SUPT3H: variants seen among roughly 807,000 people sequenced by gnomAD.
The protein encoded by SUPT3H is transcription initiation protein SPT3 homolog.
In SUPT3H, 44 loss-of-function variants were observed where a neutral mutation model predicts 44.3. The ratio of observed to expected loss-of-function variants is 0.99; its 90% CI spans 0.78 to 1.28. The LOEUF is 1.28. Among genes scored for constraint, SUPT3H ranks in the 50% most tolerant of loss-of-function variants. SUPT3H has a pLI of 0.00. For missense variants in SUPT3H, 380 were observed against 387.1 expected (o/e 0.98, Z 0.15); for synonymous variants, 124 against 125.6 (o/e 0.99, Z 0.09).
chr6:45,365,388 C>A, intron 1 of SUPT3H, 87 bp from the exon 2 acceptor site: 1 of 845,464 alleles, frequency 1.2e-6, no homozygotes, highest in Non-Finnish European at 1.8e-6. Context: ...TAAATTACTT[C>A]AAAAAGTAGA....
chr6:45,158,298 A>ATATATATATATATATATATATATATATTT, intron 2 of SUPT3H, among the ~76,000 whole-genome samples: 2 of 99,694 alleles, frequency 2.0e-5, no homozygotes, highest in African/African-American at 1.0e-4. Context: ...ATATATATAT[A>ATATATATATATATATATATATATATATTT]TTTTTTTTTT....
chr6:45,108,723 G>A (rs1799636980), intron 2 of SUPT3H, among the ~76,000 whole-genome samples: 1 of 152,008 alleles, frequency 6.6e-6, no homozygotes, highest in African/African-American at 2.4e-5. Flanking sequence ...AGACCCTACA[G>A]GAAACCACAT....
chr6:45,344,426 T>C (rs1025652120), intron 2 of SUPT3H, among the ~76,000 whole-genome samples: 1 of 151,922 alleles, frequency 6.6e-6, no homozygotes, highest in Non-Finnish European at 1.5e-5. Context: ...ATTGTTTTCA[T>C]TCTCTGATGG....
chr6:45,217,392 T>C lies in SUPT3H; in HGVS notation c.102-111386A>G, dbSNP rs1396560947. The stretch of plus-strand genomic sequence containing the variant: ...CAGGAGGCTGAGGCAAGACAATCAC[T>C]TGAACCCAGGAGGCGGAGGCTGCAG... On this transcript the variant is annotated intron_variant, in intron 2 of 10. Coordinates refer to ENST00000371459, the MANE Select transcript of SUPT3H (RefSeq NM_003599.4). 2.7e-5 allele frequency among the ~76,000 whole-genome samples: 4 copies of C among 150,110 alleles called. No individual in the cohort carries two copies. In the East Asian group the frequency reaches 7.7e-4, roughly 29 times the overall value.
intron 2 of SUPT3H, among the ~76,000 whole-genome samples, chr6:45,324,033 T>C (rs1043231883): frequency 6.6e-6 from 1 of 152,102 alleles, no homozygotes; most frequent in African/African-American, 2.4e-5. Context: ...TTGTGGGTAG[T>C]AGTTTCCTGC....
At chr6:45,010,596 A>G (rs1475169613) in intron 5 of SUPT3H, among the ~76,000 whole-genome samples, 5 of 152,168 alleles carry the variant, frequency 3.3e-5, no homozygotes, top group African/African-American at 1.2e-4. Flanking sequence ...AGGTGCCAGT[A>G]GATTTAGTGT....
chr6:45,174,128 G>C (rs934579024), intron 2 of SUPT3H, among the ~76,000 whole-genome samples: 2 of 152,210 alleles, frequency 1.3e-5, no homozygotes. Flanking sequence ...AAAATGTGAA[G>C]AAACCTGAAA....
intron 10 of SUPT3H, among the ~76,000 whole-genome samples, chr6:44,888,566 C>G (rs1044299301): frequency 6.6e-6 from 1 of 152,130 alleles, no homozygotes; most frequent in African/African-American, 2.4e-5. Flanking sequence ...AATTCAACAA[C>G]CCTTCATGCT....
intron 2 of SUPT3H, among the ~76,000 whole-genome samples, chr6:45,162,106 T>G (rs1809086671): frequency 6.6e-6 from 1 of 152,124 alleles, no homozygotes; most frequent in Middle Eastern, 3.2e-3. Flanking sequence ...TATGGATATT[T>G]TTCACATTCC....
chr6:44,970,464 G>A (rs1015239578), intron 6 of SUPT3H, among the ~76,000 whole-genome samples: 1 of 152,008 alleles, frequency 6.6e-6, no homozygotes, highest in African/African-American at 2.4e-5. Context: ...GGAATAACTC[G>A]GTTGGCAAAT....
At chr6:44,996,360 G>A (rs998108846) in intron 6 of SUPT3H, among the ~76,000 whole-genome samples, 2 of 151,430 alleles carry the variant, frequency 1.3e-5, no homozygotes, top group Non-Finnish European at 3.0e-5. Flanking sequence ...TGTTCTTACT[G>A]ATTTTAAAAG....
intron 2 of SUPT3H, among the ~76,000 whole-genome samples, chr6:45,257,131 C>T (rs1011589241): frequency 2.6e-5 from 4 of 152,170 alleles, no homozygotes; most frequent in Non-Finnish European, 5.9e-5. Context: ...CCTATCCTAG[C>T]GAGTGTGAAG....
chr6:45,316,873 GGAA>G (rs1400459120), intron 2 of SUPT3H, among the ~76,000 whole-genome samples: 1 of 151,790 alleles, frequency 6.6e-6, no homozygotes, highest in African/African-American at 2.4e-5. Context: ...GGAAAGAAAT[GGAA>G]GAAGACACAA....
chr6:44,893,545 G>A (rs74390517), intron 10 of SUPT3H, among the ~76,000 whole-genome samples: 176 of 152,276 alleles, frequency 1.2e-3, no homozygotes, highest in African/African-American at 3.0e-3. Context: ...TACAAAGGAC[G>A]TGAACTCATC....
At chr6:45,342,039 G>A (rs1486801095) in intron 2 of SUPT3H, among the ~76,000 whole-genome samples, 1 of 151,222 alleles carries the variant, frequency 6.6e-6, no homozygotes, top group Non-Finnish European at 1.5e-5. Flanking sequence ...ATATGGGCAA[G>A]TTGAAGAGAT....
chr6:45,057,174 G>T (rs9369530), intron 3 of SUPT3H, among the ~76,000 whole-genome samples: 2 of 151,974 alleles, frequency 1.3e-5, no homozygotes, highest in East Asian at 1.9e-4. Context: ...GATTTAAATT[G>T]TTTAAATGAT....
At chr6:45,279,390 T>G (rs1402259604) in intron 2 of SUPT3H, among the ~76,000 whole-genome samples, 1 of 152,190 alleles carries the variant, frequency 6.6e-6, no homozygotes, top group East Asian at 1.9e-4. Context: ...AGACTCATGT[T>G]GATATGCTAT....
At chr6:44,921,100 T>G (rs567151391) in intron 10 of SUPT3H, among the ~76,000 whole-genome samples, 4 of 152,348 alleles carry the variant, frequency 2.6e-5, no homozygotes, top group African/African-American at 9.6e-5. Flanking sequence ...ACTGGTTTCT[T>G]ATCTCCATAC....
chr6:44,843,223 A>G (rs1771287545), intron 10 of SUPT3H, among the ~76,000 whole-genome samples: 1 of 152,196 alleles, frequency 6.6e-6, no homozygotes. Context: ...TACATACACA[A>G]AAATAGACAG....
Sources: allele counts gnomAD v4.1 joint callset (sites outside exome capture counted in the v4.1 genomes callset), GRCh38; gene constraint gnomAD v4.1.1; transcripts MANE v1.5; gene names NCBI Gene and HGNC (gene_info 2026-07-23, HGNC 2026-07-21).